ITSN2: variants seen among roughly 807,000 people sequenced by gnomAD.
ITSN2 encodes the protein intersectin 2.
ITSN2 carries 156 observed loss-of-function variants against 243.7 expected under a neutral mutation model. The ratio of observed to expected loss-of-function variants is 0.64; its 90% CI spans 0.56 to 0.73. The LOEUF is 0.73. Among genes scored for constraint, ITSN2 ranks in the 30% least tolerant of loss-of-function variants. The pLI, the probability that ITSN2 is intolerant of heterozygous loss-of-function variation, is 0.00. For synonymous variants in ITSN2, 703 were observed against 699.9 expected (o/e 1.00, Z -0.07); for missense variants, 1,801 against 1,996.1 (o/e 0.90, Z 1.86).
chr2:24,357,804 T>C (rs148381762), intron 1 of ITSN2, among the ~76,000 whole-genome samples: 3,578 of 152,364 alleles, frequency 0.023, 84 homozygotes, highest in Non-Finnish European at 0.038. Flanking sequence ...CTTGTTAATA[T>C]AAATGTTTTA....
Position 24,298,724 on chromosome 2 carries a change from C to A in ITSN2, c.1435G>T (p.Glu479Ter). The change falls in exon 13 of 40, where the codon GAA becomes TAA. Residue 479 changes from glutamate to a stop codon, truncating the protein, a stop_gained. Transcript: ENST00000355123. LOFTEE classifies it high-confidence loss of function. ...ELLNQKNREQ[E>*]EIVRLNSKKK... is the part of the protein sequence containing the mutation. ...TTAGAGTTTAACCTGACAATTTCTT[C>A]TTGTTCTCTATTCTTTTGATTGAGA... The A allele has an allele frequency of 6.2e-7, 1 of 1,612,504 alleles. No homozygotes were observed. The highest frequency in any genetic ancestry group is 8.5e-7 in the Non-Finnish European group (1 of 1,179,290).
intron 2 of ITSN2, among the ~76,000 whole-genome samples, chr2:24,326,955 T>C (rs537301121): frequency 1.3e-5 from 2 of 152,254 alleles, no homozygotes; most frequent in African/African-American, 4.8e-5. Context: ...TTTGTGAAGA[T>C]GGTAGAATGG....
intron 37 of ITSN2, among the ~76,000 whole-genome samples, chr2:24,206,585 G>A (rs921926235): frequency 9.9e-5 from 15 of 151,980 alleles, no homozygotes; most frequent in African/African-American, 2.9e-4. Context: ...GGGGTGGGGG[G>A]TGCTTTACAA....
At chr2:24,290,504 TAAG>T (rs1680104111) in intron 15 of ITSN2, among the ~76,000 whole-genome samples, 1 of 152,240 alleles carries the variant, frequency 6.6e-6, no homozygotes, top group Admixed American at 6.5e-5. Context: ...ATCAAATCTG[TAAG>T]TATTTTCTTC....
Position 24,222,486 on chromosome 2 carries a change from C to T in ITSN2, c.3578-1420G>A, listed in dbSNP as rs576454675. On this transcript the variant is annotated intron_variant, in intron 29 of 39. Transcript: ENST00000355123. ...TCCTGCAAGGTTATCTGCCCAGCAACTGCCTGTCCAACCTCGGACAAGTGC... is the reference window on the plus strand; with the variant it reads ...TCCTGCAAGGTTATCTGCCCAGCAATTGCCTGTCCAACCTCGGACAAGTGC... 2.0e-5 allele frequency among the ~76,000 whole-genome samples: 3 copies of T among 152,134 alleles called. No homozygotes were observed. In the South Asian group the frequency reaches 6.2e-4, roughly 32 times the overall value.
At chr2:24,220,459 C>T (rs1482773461) in intron 30 of ITSN2, 3 of 989,436 alleles carry the variant, frequency 3.0e-6, no homozygotes, top group Non-Finnish European at 2.4e-6. Flanking sequence ...AACTATTTTA[C>T]AATATGCTCC....
chr2:24,296,730 T>C (rs1681016772), intron 13 of ITSN2, among the ~76,000 whole-genome samples: 1 of 152,242 alleles, frequency 6.6e-6, no homozygotes, highest in Non-Finnish European at 1.5e-5. Context: ...TAGCCTATCG[T>C]ATTTTGTTAC....
In ITSN2 at chr2:24,209,916, G is replaced by A. The variant is rs1010039795; in HGVS notation, c.4375C>T (p.Leu1459=). Residue 1459 remains leucine, a synonymous_variant, in exon 35 of 40, where the codon CTG becomes TTG. Transcript: ENST00000355123. ...TGCTTGACCATGTAGGTAAGAAGCAGGAAGTCATTGAAGAGGAATCCGTGC... is the reference window on the plus strand; with the variant it reads ...TGCTTGACCATGTAGGTAAGAAGCAAGAAGTCATTGAAGAGGAATCCGTGC... ...ELHGFLFNDF[L]LLTYMVKQFA... is the part of the protein sequence containing the mutation. 3 of 1,614,016 alleles carry A rather than the reference G, an allele frequency of 1.9e-6. No homozygotes were observed. In the African/African-American group the frequency reaches 4.0e-5, roughly 22 times the overall value.
intron 1 of ITSN2, among the ~76,000 whole-genome samples, chr2:24,359,941 TCA>T (rs1212011858): frequency 6.6e-6 from 1 of 152,078 alleles, no homozygotes; most frequent in Non-Finnish European, 1.5e-5. Context: ...TCTCTTCTGC[TCA>T]CACCCCGAAA....
chr2:24,309,024 C>T, intron 7 of ITSN2: 1 of 372,164 alleles, frequency 2.7e-6, no homozygotes, highest in South Asian at 2.1e-5. Context: ...ATGTGAGGGA[C>T]CTAGGTTGGA....
At chr2:24,335,599 G>C (rs1221846476) in intron 1 of ITSN2, among the ~76,000 whole-genome samples, 2 of 151,968 alleles carry the variant, frequency 1.3e-5, no homozygotes, top group African/African-American at 4.8e-5. Flanking sequence ...CTCCCAAAGT[G>C]CTGGGATTAC....
intron 2 of ITSN2, among the ~76,000 whole-genome samples, chr2:24,318,567 G>T (rs1357835582): frequency 6.6e-6 from 1 of 152,316 alleles, no homozygotes; most frequent in East Asian, 1.9e-4. Flanking sequence ...GTCACTGACT[G>T]TAGCTGTCTC....
chr2:24,286,344 C>T lies in ITSN2; in HGVS notation c.1731G>A (p.Gly577=). 8 of 1,609,986 alleles carry T rather than the reference C, an allele frequency of 5.0e-6. No homozygotes were observed. The highest frequency in any genetic ancestry group is 5.9e-6 in the Non-Finnish European group (7 of 1,178,056). ...ATGATTTTTTATGAAGTAAACTGAC[C>T]CCTGAATCTGAAAAACAAACATCAG... ...NMQFSNTPDS[G]VSLLHKKSLE... The change falls in exon 16 of 40, where the codon GGG becomes GGA. Residue 577 remains glycine, a synonymous_variant. Coordinates refer to ENST00000355123, the MANE Select transcript of ITSN2 (RefSeq NM_006277.3).
At chr2:24,253,870 G>C (rs1257682732) in intron 24 of ITSN2, among the ~76,000 whole-genome samples, 1 of 151,898 alleles carries the variant, frequency 6.6e-6, no homozygotes, top group Non-Finnish European at 1.5e-5. Flanking sequence ...TCTGAAATTA[G>C]GGTAATCTTT....
At chr2:24,280,892 C>T (rs1436349079) in intron 17 of ITSN2, among the ~76,000 whole-genome samples, 1 of 152,204 alleles carries the variant, frequency 6.6e-6, no homozygotes, top group African/African-American at 2.4e-5. Flanking sequence ...CTACTTAATC[C>T]ATCACTCCCA....
chr2:24,237,257 A>G (rs1672264582), intron 29 of ITSN2, among the ~76,000 whole-genome samples: 1 of 152,188 alleles, frequency 6.6e-6, no homozygotes, highest in Non-Finnish European at 1.5e-5. Context: ...CTCAAAAAAG[A>G]GCACTTTTCC....
intron 2 of ITSN2, among the ~76,000 whole-genome samples, chr2:24,321,447 A>G (rs1351533705): frequency 6.6e-6 from 1 of 152,208 alleles, no homozygotes; most frequent in African/African-American, 2.4e-5. Flanking sequence ...TATGGATTTA[A>G]CAAATTATTC....
chr2:24,298,523 C>T, intron 13 of ITSN2, 142 bp downstream of exon 13: 1 of 663,350 alleles, frequency 1.5e-6, no homozygotes, highest in South Asian at 2.3e-5. Flanking sequence ...TTTCAAACTC[C>T]TGCCCCAGTT....
chr2:24,281,957 G>C (rs975535311), intron 17 of ITSN2, among the ~76,000 whole-genome samples: 1 of 152,206 alleles, frequency 6.6e-6, no homozygotes, highest in Non-Finnish European at 1.5e-5. Context: ...ACTTACCTCT[G>C]ATTTTAAGTC....
Sources: gnomAD v4.1 joint callset for allele counts (sites outside exome capture counted in the v4.1 genomes callset) on GRCh38, gnomAD v4.1.1 for gene constraint, MANE v1.5 for transcripts, NCBI Gene and HGNC (gene_info 2026-07-23, HGNC 2026-07-21) for gene names.